Variants in ZNF207 observed in about 807,000 individuals in gnomAD.
ZNF207 encodes the protein zinc finger protein 207.
In ZNF207, 24 loss-of-function variants were observed where a neutral mutation model predicts 60.2. The observed-to-expected ratio is 0.40, with a 90% CI of 0.29 to 0.56. ZNF207 has a LOEUF of 0.56. Ranked by LOEUF, ZNF207 falls within the 20% of genes least tolerant of loss-of-function variation. The pLI is 0.49. For missense variants in ZNF207, 452 were observed against 636.6 expected (o/e 0.71, Z 3.12); for synonymous variants, 236 against 194.7 (o/e 1.21, Z -1.77).
At chr17:32,361,667 G>A in intron 6 of ZNF207, 152 bp downstream of exon 6, 1 of 600,092 alleles carries the variant, frequency 1.7e-6, no homozygotes. Context: ...GTCTCTTAAA[G>A]AAGGAAAATA....
intron 5 of ZNF207, 147 bp from the exon 6 acceptor site, chr17:32,361,321 C>A: frequency 1.6e-6 from 1 of 608,722 alleles, no homozygotes; most frequent in Non-Finnish European, 2.8e-6. Flanking sequence ...ATTTATTTGT[C>A]AAAGCATCAA....
In ZNF207 at chr17:32,372,481, G is replaced by GT. The variant is rs1375013844; in HGVS notation, c.*2728dup. The GT allele has an allele frequency of 6.6e-6, 1 of 152,058 alleles. No individual in the cohort carries two copies. Among genetic ancestry groups the GT allele is most frequent in the Non-Finnish European group, 1.5e-5 (1 of 68,006 alleles). 9.4% of individuals were successfully genotyped at this position (152,058 alleles called of 1,614,324 possible). A position where few individuals can be genotyped will look rare whatever the true frequency, so the allele number is the denominator to read the frequency against. The stretch of plus-strand genomic sequence containing the variant: ...AAGAAGGTTGATACTTTGTAGCAAG[G>GT]TTTTTTGCTCTCTGTATAGGTCTGA... On this transcript the variant is annotated 3_prime_UTR_variant, in exon 12 of 12. Coordinates refer to ENST00000394670, the MANE Select transcript of ZNF207 (RefSeq NM_001098507.2).
chr17:32,367,951 T>C lies in ZNF207; in HGVS notation c.1101T>C (p.Pro367=). Residue 367 remains proline, a synonymous_variant, in exon 10 of 12, where the codon CCT becomes CCC. Transcript: ENST00000394670. ...CAGCGGCTTCAATAACAAGTAAGCC[T>C]GCTACACTTACAACAACTAGTGCAA... The part of the protein sequence containing the change: ...AKPAASITSK[P]ATLTTTSATS... 1 of 1,614,214 alleles carries C rather than the reference T, an allele frequency of 6.2e-7. No homozygotes were observed. Among genetic ancestry groups the C allele is most frequent in the Non-Finnish European group, 8.5e-7 (1 of 1,180,038 alleles).
chr17:32,356,201 C>T (rs1324060956), intron 2 of ZNF207, among the ~76,000 whole-genome samples: 2 of 152,156 alleles, frequency 1.3e-5, no homozygotes, highest in South Asian at 2.1e-4. Flanking sequence ...TCAACCAAGA[C>T]GCTATGACTT....
rs547446645 is a variant in ZNF207, at chr17:32,363,246, C to T, written c.670+262C>T. Among the ~76,000 whole-genome samples, 6 of 152,132 alleles carry T rather than the reference C, an allele frequency of 3.9e-5. No individual in the cohort carries two copies. The East Asian group carries it at 1.2e-3, about 29-fold the overall frequency. On this transcript the variant is annotated intron_variant, in intron 7 of 11. Transcript: ENST00000394670. ...GGGATTACAGGCGCCTGCTACCACACCTGGCTAATTTTTGTGTATTTAGTA... is the reference window on the plus strand; with the variant it reads ...GGGATTACAGGCGCCTGCTACCACATCTGGCTAATTTTTGTGTATTTAGTA...
intron 2 of ZNF207, among the ~76,000 whole-genome samples, chr17:32,356,046 CTTTA>C (rs1904487909): frequency 6.6e-6 from 1 of 152,162 alleles, no homozygotes; most frequent in African/African-American, 2.4e-5. Flanking sequence ...GTCTGAGTGC[CTTTA>C]TTTAGTCCTA....
intron 9 of ZNF207, 24 bp from the exon 10 acceptor site, chr17:32,367,748 T>G (rs1567825592): frequency 1.9e-6 from 3 of 1,609,144 alleles, no homozygotes; most frequent in Non-Finnish European, 2.5e-6. Context: ...TGAAGTTTCG[T>G]TGATGAAGTA....
chr17:32,374,249 G>A lies in ZNF207; in HGVS notation c.*4490G>A, dbSNP rs1399142824. ...TTTTTTTTTTTTTTGAGACTGTCTC[G>A]CTGTGTCACCCAGGCCAGAGTGCAG... On this transcript the variant is annotated 3_prime_UTR_variant, in exon 12 of 12. Transcript: ENST00000394670. The A allele has an allele frequency of 1.0e-5, 1 of 99,904 alleles. No homozygotes were observed. Among genetic ancestry groups the A allele is most frequent in the Non-Finnish European group, 1.9e-5 (1 of 53,928 alleles). The allele number at this position is 99,904 out of a possible 1,614,324, so 6.2% of individuals were successfully genotyped here.
chr17:32,365,192 TG>T, intron 7 of ZNF207, 137 bp from the exon 8 acceptor site: 1 of 902,246 alleles, frequency 1.1e-6, no homozygotes, highest in Non-Finnish European at 1.6e-6. Context: ...GAATGTTGCA[TG>T]GGGCAAATGC....
At chr17:32,355,251 A>T (rs1157377459) in intron 2 of ZNF207, among the ~76,000 whole-genome samples, 1 of 152,092 alleles carries the variant, frequency 6.6e-6, no homozygotes, top group Non-Finnish European at 1.5e-5. Context: ...AAAGTTGGGC[A>T]TGGTGGCACG....
rs1905378897 is a variant in ZNF207 at position 32,369,702 on chromosome 17, T to G, written c.1428T>G (p.Pro476=). Residue 476 remains proline (P), a synonymous_variant, in exon 12 of 12, where the codon CCT becomes CCG. Transcript: ENST00000394670. The stretch of plus-strand genomic sequence containing the variant: ...TGGTGCCCCCTTACCAGGGTGGGCC[T>G]CCTCGACCTCCGATGGGAATGAGAC... The part of the protein sequence containing the change: ...PPMVPPYQGG[P]PRPPMGMRPP... 3 of 1,592,858 alleles carry G rather than the reference T, an allele frequency of 1.9e-6. No homozygotes were observed. The African/African-American group carries it at 4.1e-5, about 22-fold the overall frequency.
chr17:32,376,834 A>C lies in ZNF207; in HGVS notation c.*7075A>C, dbSNP rs1427778475. The C allele has an allele frequency of 6.6e-6, 1 of 152,106 alleles. No individual in the cohort carries two copies. The highest frequency in any genetic ancestry group is 1.9e-4 in the East Asian group (1 of 5,202). The allele number at this position is 152,106 out of a possible 1,614,324, so 9.4% of individuals were successfully genotyped here. A position where few individuals can be genotyped will look rare whatever the true frequency, so the allele number is the denominator to read the frequency against. Reference sequence around the variant, plus strand: ...CTTAATGGTTGATTACTTGGAACCCACCCATTAATTCTAAATGATGTAATG... The same window carrying C: ...CTTAATGGTTGATTACTTGGAACCCCCCCATTAATTCTAAATGATGTAATG... On this transcript the variant is annotated 3_prime_UTR_variant, in exon 12 of 12. Transcript: ENST00000394670.
At chr17:32,366,558 A>T in intron 8 of ZNF207, 107 bp from the exon 9 acceptor site, 1 of 759,278 alleles carries the variant, frequency 1.3e-6, no homozygotes, top group African/African-American at 1.8e-5. Context: ...TGATTGCATT[A>T]AATTTTGCAT....
At chr17:32,369,185 G>A (rs149944204) in intron 10 of ZNF207, 110 bp from the exon 11 acceptor site, 1 of 1,267,788 alleles carries the variant, frequency 7.9e-7, no homozygotes, top group African/African-American at 1.5e-5. Context: ...GGATGTAAGG[G>A]TAAATTTTTG....
rs1905529331 is a variant in ZNF207 at position 32,372,773 on chromosome 17, T to C, written c.*3014T>C. Reference sequence around the variant, plus strand: ...ATGAGTGGAGCAAATTATATTCATATAATTAACTCTGACTCAACCTTCCTT... The same window carrying C: ...ATGAGTGGAGCAAATTATATTCATACAATTAACTCTGACTCAACCTTCCTT... On this transcript the variant is annotated 3_prime_UTR_variant, in exon 12 of 12. Coordinates refer to ENST00000394670, the MANE Select transcript of ZNF207 (RefSeq NM_001098507.2). 6.6e-6 allele frequency: 1 copy of C among 152,234 alleles called. No individual in the cohort carries two copies. The highest frequency in any genetic ancestry group is 2.4e-5 in the African/African-American group (1 of 41,458). The allele number at this position is 152,234 out of a possible 1,614,324, so 9.4% of individuals were successfully genotyped here. A position where few individuals can be genotyped will look rare whatever the true frequency, so the allele number is the denominator to read the frequency against.
At chr17:32,357,662 A>AT (rs1014364615) in intron 2 of ZNF207, among the ~76,000 whole-genome samples, 87 of 149,748 alleles carry the variant, frequency 5.8e-4, no homozygotes, top group Admixed American at 2.9e-3. Flanking sequence ...TTTTTTATTT[A>AT]TTTTTTTTGG....
rs1361436699 is a variant in ZNF207, at chr17:32,369,214, G to GT, written c.1165-80dup. The GT allele has an allele frequency of 1.1e-5, 16 of 1,505,304 alleles. No homozygotes were observed. In the African/African-American group the frequency reaches 2.1e-4, roughly 20 times the overall value. 93.2% of individuals were successfully genotyped at this position (1,505,304 alleles called of 1,614,324 possible). On this transcript the variant is annotated intron_variant, in intron 10 of 11. Transcript: ENST00000394670. The stretch of plus-strand genomic sequence containing the variant: ...ATTTTTGAAAATTACTCTTAACGTT[G>GT]TAAGATTTTAGATGCATGCCTTTAT...
At chr17:32,352,914 CG>C in intron 2 of ZNF207, among the ~76,000 whole-genome samples, 1 of 152,306 alleles carries the variant, frequency 6.6e-6, no homozygotes, top group South Asian at 2.1e-4. Flanking sequence ...CGGTGGCTCA[CG>C]CCTGTAATCC....
chr17:32,367,280 T>TAA (rs1274052498), intron 9 of ZNF207, among the ~76,000 whole-genome samples: 24 of 101,780 alleles, frequency 2.4e-4, no homozygotes, highest in African/African-American at 7.1e-4. Flanking sequence ...TATATATATA[T>TAA]ATATAAAGAA....
Sources: allele counts gnomAD v4.1 joint callset (sites outside exome capture counted in the v4.1 genomes callset), GRCh38; gene constraint gnomAD v4.1.1; transcripts MANE v1.5; gene names NCBI Gene and HGNC (gene_info 2026-07-23, HGNC 2026-07-21).